TASP1: variants seen among roughly 807,000 people sequenced by gnomAD.
TASP1 encodes the protein threonine aspartase 1.
Under a neutral mutation model 56.6 loss-of-function variants are expected in TASP1, and 16 were observed. The ratio of observed to expected loss-of-function variants is 0.28; its 90% CI spans 0.19 to 0.43. The LOEUF is 0.43. Among genes scored for constraint, TASP1 ranks in the 20% least tolerant of loss-of-function variants. TASP1 has a pLI of 1.00. For missense variants in TASP1, 393 were observed against 511.6 expected, an observed-to-expected ratio of 0.77 and a Z score of 2.24; for synonymous variants, 179 against 184.2, an observed-to-expected ratio of 0.97 and a Z score of 0.23.
rs144435895 is a variant in TASP1, at chr20:13,622,053, G to A, written c.282+1393C>T. Among the ~76,000 whole-genome samples, 55 of 152,176 alleles carry A rather than the reference G, an allele frequency of 3.6e-4. 2 individuals carry two copies. In the East Asian group the frequency reaches 0.011, roughly 29 times the overall value. On this transcript the variant is annotated intron_variant, in intron 4 of 13. Transcript: ENST00000337743. The stretch of plus-strand genomic sequence containing the variant: ...CTCAACATATAATTAACCTTTCTTT[G>A]ATGCTGTAAAACTTGTCATTAATAG...
chr20:13,362,705 A>G, the TASP1 span, among the ~76,000 whole-genome samples: 5 of 151,718 alleles, frequency 3.3e-5, no homozygotes, highest in Non-Finnish European at 5.9e-5. Flanking sequence ...TACATACTGC[A>G]TGATTCTGTT....
the TASP1 span, among the ~76,000 whole-genome samples, chr20:13,334,619 A>C: frequency 5.9e-5 from 9 of 152,196 alleles, no homozygotes; most frequent in Non-Finnish European, 1.3e-4. Context: ...AGGCTATGAG[A>C]AATAGACTGA....
At chr20:13,346,269 G>A in the TASP1 span, among the ~76,000 whole-genome samples, 1 of 152,188 alleles carries the variant, frequency 6.6e-6, no homozygotes, top group Non-Finnish European at 1.5e-5. Flanking sequence ...AGAATGGATT[G>A]TGTAGATAAA....
At chr20:13,296,097 T>C in the TASP1 span, among the ~76,000 whole-genome samples, 6 of 152,212 alleles carry the variant, frequency 3.9e-5, no homozygotes, top group Non-Finnish European at 5.9e-5. Flanking sequence ...TCCACCACAG[T>C]TGGCTTCCTT....
the TASP1 span, among the ~76,000 whole-genome samples, chr20:13,369,437 C>A: frequency 6.6e-6 from 1 of 152,154 alleles, no homozygotes; most frequent in African/African-American, 2.4e-5. Flanking sequence ...CAGAGCAAGA[C>A]CCTGTCTCAA....
At chr20:13,242,310 T>G in the TASP1 span, among the ~76,000 whole-genome samples, 1 of 152,112 alleles carries the variant, frequency 6.6e-6, no homozygotes, top group African/African-American at 2.4e-5. Flanking sequence ...GACCAGAAAC[T>G]CCACAGAGCA....
chr20:13,174,149 G>A, the TASP1 span, among the ~76,000 whole-genome samples: 14 of 152,126 alleles, frequency 9.2e-5, no homozygotes, highest in African/African-American at 3.1e-4. Flanking sequence ...TTTACATATG[G>A]TAGGTTCTCA....
intron 10 of TASP1, among the ~76,000 whole-genome samples, chr20:13,525,618 G>T (rs2044946740): frequency 6.6e-6 from 1 of 152,086 alleles, no homozygotes; most frequent in South Asian, 2.1e-4. Context: ...TAAAATGCAG[G>T]CCAGGTCTCT....
the TASP1 span, among the ~76,000 whole-genome samples, chr20:13,156,570 A>G: frequency 4.6e-5 from 7 of 152,212 alleles, no homozygotes; most frequent in Admixed American, 3.9e-4. Flanking sequence ...ATCTTATTTC[A>G]TAAGGTTACT....
chr20:13,228,544 T>C, the TASP1 span, among the ~76,000 whole-genome samples: 1 of 152,132 alleles, frequency 6.6e-6, no homozygotes, highest in Non-Finnish European at 1.5e-5. Flanking sequence ...TTGTAGGTGA[T>C]TTTTTTAAAA....
chr20:13,161,260 G>A, the TASP1 span, among the ~76,000 whole-genome samples: 4 of 152,214 alleles, frequency 2.6e-5, no homozygotes, highest in African/African-American at 7.2e-5. Flanking sequence ...AAGGTATACA[G>A]TAAGGAACAG....
At chr20:13,162,641 T>C in the TASP1 span, among the ~76,000 whole-genome samples, 2 of 152,230 alleles carry the variant, frequency 1.3e-5, no homozygotes, top group African/African-American at 4.8e-5. Flanking sequence ...CAATACTTAA[T>C]GTCTCCCTCT....
the TASP1 span, among the ~76,000 whole-genome samples, chr20:13,328,420 G>A: frequency 0.012 from 1,860 of 152,126 alleles, 31 homozygotes; most frequent in African/African-American, 0.043. Context: ...ATATGTAGAG[G>A]CAGAAATATC....
the TASP1 span, chr20:13,126,599 G>C: frequency 4.3e-6 from 7 of 1,613,170 alleles, no homozygotes; most frequent in Non-Finnish European, 4.2e-6. Flanking sequence ...AGGACCTCGT[G>C]GATTATTTAC....
intron 6 of TASP1, among the ~76,000 whole-genome samples, chr20:13,570,884 GA>G (rs1329897478): frequency 2.0e-5 from 3 of 149,978 alleles, no homozygotes; most frequent in Non-Finnish European, 4.5e-5. Flanking sequence ...CTTCTTCTAG[GA>G]AAAAAAAACT....
At chr20:13,528,312 T>C in intron 10 of TASP1, 121 bp downstream of exon 10, 1 of 696,752 alleles carries the variant, frequency 1.4e-6, no homozygotes, top group South Asian at 3.2e-5. Flanking sequence ...ACTGAAGATC[T>C]TTCCCACATC....
At chr20:13,602,845 C>G (rs1000186550) in intron 4 of TASP1, among the ~76,000 whole-genome samples, 2 of 152,128 alleles carry the variant, frequency 1.3e-5, no homozygotes, top group Non-Finnish European at 2.9e-5. Context: ...CAGACTGATA[C>G]CAGTCTGAGG....
At chr20:13,411,722 A>C (rs1478923669) in intron 13 of TASP1, among the ~76,000 whole-genome samples, 3 of 152,226 alleles carry the variant, frequency 2.0e-5, no homozygotes, top group Admixed American at 1.3e-4. Context: ...TCCAGGCACC[A>C]GCATTCTAAC....
intron 13 of TASP1, among the ~76,000 whole-genome samples, chr20:13,400,018 C>A (rs1036611429): frequency 2.6e-5 from 4 of 152,162 alleles, no homozygotes; most frequent in Admixed American, 6.5e-5. Context: ...TGAAGTGAAA[C>A]CTACCTAACG....
Sources: allele counts gnomAD v4.1 joint callset (sites outside exome capture counted in the v4.1 genomes callset), GRCh38; gene constraint gnomAD v4.1.1; transcripts MANE v1.5; gene names NCBI Gene and HGNC (gene_info 2026-07-23, HGNC 2026-07-21).